Variants in RALYL observed in about 807,000 individuals in gnomAD.
The protein encoded by RALYL is RALY RNA binding protein like.
A neutral mutation model predicts 35.1 loss-of-function variants in RALYL; 29 were observed. The ratio of observed to expected loss-of-function variants is 0.83; its 90% confidence interval spans 0.61 to 1.13. RALYL has a LOEUF of 1.13. RALYL is among the 50% of genes most tolerant of loss of function. The pLI is 0.00. For synonymous variants in RALYL, 120 were observed against 127.6 expected (o/e 0.94, Z 0.40); for missense variants, 359 against 360.4 (o/e 1.00, Z 0.03).
intron 2 of RALYL, among the ~76,000 whole-genome samples, chr8:84,641,137 C>T (rs1309066645): frequency 2.6e-5 from 4 of 151,006 alleles, no homozygotes; most frequent in Non-Finnish European, 4.4e-5. Flanking sequence ...TTCTTTATAA[C>T]CTTTTTATTT....
intron 2 of RALYL, among the ~76,000 whole-genome samples, chr8:84,534,557 C>T (rs2059475544): frequency 6.6e-6 from 1 of 152,132 alleles, no homozygotes; most frequent in South Asian, 2.1e-4. Flanking sequence ...CTAACACTTC[C>T]ATGGCAAATG....
chr8:84,912,600 T>C (rs1847689790), intron 8 of RALYL, among the ~76,000 whole-genome samples: 1 of 152,076 alleles, frequency 6.6e-6, no homozygotes, highest in South Asian at 2.1e-4. Flanking sequence ...CAAAAGATGC[T>C]TGCCGCCATT....
chr8:84,404,928 A>G (rs112135892), intron 1 of RALYL, among the ~76,000 whole-genome samples: 14 of 152,170 alleles, frequency 9.2e-5, no homozygotes, highest in Non-Finnish European at 1.5e-4. Context: ...TCAGCACAAC[A>G]TAACACTTAT....
chr8:84,205,842 T>C (rs1817937387), intron 1 of RALYL, among the ~76,000 whole-genome samples: 1 of 152,212 alleles, frequency 6.6e-6, no homozygotes. Flanking sequence ...CAGCAGAACC[T>C]TAACTTTCTC....
intron 2 of RALYL, among the ~76,000 whole-genome samples, chr8:84,708,157 G>C (rs998433235): frequency 7.2e-5 from 11 of 152,156 alleles, no homozygotes; most frequent in Non-Finnish European, 1.5e-4. Context: ...CCTTTCAGAG[G>C]ATCTGACAAA....
At chr8:84,652,341 T>C (rs1000102136) in intron 2 of RALYL, among the ~76,000 whole-genome samples, 1 of 152,060 alleles carries the variant, frequency 6.6e-6, no homozygotes, top group African/African-American at 2.4e-5. Flanking sequence ...CTTCGATTGG[T>C]ATGATTTTAG....
chr8:84,601,919 A>G (rs183930027), intron 2 of RALYL, among the ~76,000 whole-genome samples: 2 of 152,224 alleles, frequency 1.3e-5, no homozygotes, highest in Non-Finnish European at 2.9e-5. Context: ...TGATTTTGGA[A>G]TAACTGTCTG....
At chr8:84,845,416 C>G (rs764616748) in intron 4 of RALYL, among the ~76,000 whole-genome samples, 1 of 152,162 alleles carries the variant, frequency 6.6e-6, no homozygotes, top group Non-Finnish European at 1.5e-5. Context: ...TTGCATTTAT[C>G]TAATGATTAG....
At chr8:84,759,537 T>C (rs1812201586) in intron 2 of RALYL, among the ~76,000 whole-genome samples, 1 of 152,188 alleles carries the variant, frequency 6.6e-6, no homozygotes, top group African/African-American at 2.4e-5. Context: ...TTAAGTAAGA[T>C]AAAATTTTTA....
intron 1 of RALYL, among the ~76,000 whole-genome samples, chr8:84,313,343 A>C (rs577460890): frequency 6.6e-6 from 1 of 152,210 alleles, no homozygotes; most frequent in South Asian, 2.1e-4. Context: ...TTGGCTATTA[A>C]ATTTGGCTCC....
At chr8:84,502,737 A>G (rs566707434) in intron 1 of RALYL, among the ~76,000 whole-genome samples, 17 of 151,998 alleles carry the variant, frequency 1.1e-4, no homozygotes, top group Non-Finnish European at 2.2e-4. Context: ...AATTATACCA[A>G]CTACTATTTA....
At chr8:84,202,125 G>T (rs568352246) in intron 1 of RALYL, among the ~76,000 whole-genome samples, 1 of 150,034 alleles carries the variant, frequency 6.7e-6, no homozygotes, top group East Asian at 1.9e-4. Flanking sequence ...TACACTTTTT[G>T]TGGTTATTTT....
At chr8:84,505,399 G>GTAAAGTTAGAATAGC (rs1480866953) in intron 1 of RALYL, among the ~76,000 whole-genome samples, 1 of 151,686 alleles carries the variant, frequency 6.6e-6, no homozygotes, top group Admixed American at 6.6e-5. Flanking sequence ...GTTAGTATTG[G>GTAAAGTTAGAATAGC]AAGGAGTCAT....
At chr8:84,577,024 T>G (rs1250030592) in intron 2 of RALYL, among the ~76,000 whole-genome samples, 1 of 152,238 alleles carries the variant, frequency 6.6e-6, no homozygotes, top group African/African-American at 2.4e-5. Flanking sequence ...AACTTTTGAC[T>G]GTACATAGAA....
intron 4 of RALYL, among the ~76,000 whole-genome samples, chr8:84,845,049 CA>C (rs1394925742): frequency 6.6e-5 from 10 of 152,234 alleles, no homozygotes; most frequent in Non-Finnish European, 1.2e-4. Context: ...AGCACACCCA[CA>C]CGGCACATGT....
At chr8:84,495,946 AT>A (rs574071085) in intron 1 of RALYL, among the ~76,000 whole-genome samples, 1 of 151,982 alleles carries the variant, frequency 6.6e-6, no homozygotes. Context: ...CACTGGCCAT[AT>A]TTTTTTAATA....
intron 8 of RALYL, among the ~76,000 whole-genome samples, chr8:84,896,433 A>G (rs895966393): frequency 6.6e-6 from 1 of 152,216 alleles, no homozygotes; most frequent in African/African-American, 2.4e-5. Context: ...TGTTCTCCAA[A>G]GAGCTGCCAA....
At chr8:84,320,345 T>G (rs1337983605) in intron 1 of RALYL, among the ~76,000 whole-genome samples, 2 of 151,622 alleles carry the variant, frequency 1.3e-5, no homozygotes, top group Non-Finnish European at 2.9e-5. Flanking sequence ...GCTCTCTTTC[T>G]CTCACCATAT....
At chr8:84,245,141 A>G (rs1352590733) in intron 1 of RALYL, among the ~76,000 whole-genome samples, 1 of 152,164 alleles carries the variant, frequency 6.6e-6, no homozygotes, top group East Asian at 1.9e-4. Flanking sequence ...TTTGCACTGA[A>G]GGGCAACATG....
Sources: gnomAD v4.1 joint callset for allele counts (sites outside exome capture counted in the v4.1 genomes callset) on GRCh38, gnomAD v4.1.1 for gene constraint, MANE v1.5 for transcripts, NCBI Gene and HGNC (gene_info 2026-07-23, HGNC 2026-07-21) for gene names.